The following LCOR variants were observed in gnomAD, a reference collection of about 807,000 sequenced individuals.
The protein encoded by LCOR is ligand dependent nuclear receptor corepressor.
Under a neutral mutation model 64.4 loss-of-function variants are expected in LCOR, and 14 were observed. That is an observed-to-expected ratio of 0.22 (90% CI 0.14 to 0.34). LCOR has a LOEUF of 0.34. Among genes scored for constraint, LCOR ranks in the 10% least tolerant of loss-of-function variants. The pLI is 1.00. For missense variants in LCOR, 1,686 were observed against 1,765.3 expected (o/e 0.96, Z 0.80); for synonymous variants, 643 against 642.5 (o/e 1.00, Z -0.01).
intron 2 of LCOR, among the ~76,000 whole-genome samples, chr10:96,893,514 C>T (rs1050317573): frequency 2.0e-5 from 3 of 152,096 alleles, no homozygotes; most frequent in African/African-American, 7.2e-5. Context: ...CCTGTAATCC[C>T]AGCACTTTGG....
At chr10:96,937,851 A>AAATT (rs763841055) in intron 4 of LCOR, among the ~76,000 whole-genome samples, 204 of 152,378 alleles carry the variant, frequency 1.3e-3, no homozygotes, top group Non-Finnish European at 2.4e-3. Flanking sequence ...TCAACAAAAC[A>AAATT]TTAGCAAATC....
At chr10:96,905,274 G>A (rs1022364642) in intron 2 of LCOR, among the ~76,000 whole-genome samples, 6 of 152,022 alleles carry the variant, frequency 3.9e-5, no homozygotes, top group Non-Finnish European at 5.9e-5. Context: ...CGCTCAGCCC[G>A]AAAATTTGGA....
intron 2 of LCOR, among the ~76,000 whole-genome samples, chr10:96,836,894 A>G (rs1010565995): frequency 1.3e-5 from 2 of 152,198 alleles, no homozygotes; most frequent in Non-Finnish European, 2.9e-5. Context: ...TTGTTAGGCA[A>G]CTTGCAGTTT....
chr10:96,850,243 G>A (rs1337491606), intron 2 of LCOR, among the ~76,000 whole-genome samples: 1 of 152,158 alleles, frequency 6.6e-6, no homozygotes, highest in African/African-American at 2.4e-5. Flanking sequence ...TTACTGGTAT[G>A]CTTGTCATGA....
chr10:96,899,891 G>C (rs920443496), intron 2 of LCOR, among the ~76,000 whole-genome samples: 1 of 152,016 alleles, frequency 6.6e-6, no homozygotes, highest in Admixed American at 6.5e-5. Flanking sequence ...TTACCAAACA[G>C]GCATAGAGTA....
chr10:96,839,970 C>G (rs1183906471), intron 2 of LCOR, among the ~76,000 whole-genome samples: 1 of 152,186 alleles, frequency 6.6e-6, no homozygotes, highest in African/African-American at 2.4e-5. Context: ...TGTGAGCCAC[C>G]ACCCCTGGTT....
intron 4 of LCOR, among the ~76,000 whole-genome samples, chr10:96,928,729 C>T (rs896154019): frequency 2.6e-5 from 4 of 152,188 alleles, no homozygotes; most frequent in East Asian, 3.8e-4. Context: ...CTAGATCCTT[C>T]AGAGGAATCA....
rs964153716 is a variant in LCOR, at chr10:96,983,146, G to T, written c.2686G>T (p.Asp896Tyr). 1 of 1,614,002 alleles carries T rather than the reference G, an allele frequency of 6.2e-7. No individual in the cohort carries two copies. Among genetic ancestry groups the T allele is most frequent in the East Asian group, 2.2e-5 (1 of 44,878 alleles). Residue 896 changes from aspartate (D) to tyrosine (Y), a missense_variant, in exon 8 of 8, where the codon GAT (aspartate) becomes TAT (tyrosine). Transcript: ENST00000421806. This position sits in a 1 kb window ranked among gnomAD's most constrained non-coding sequence, Gnocchi z 4.5. Reference protein sequence around the residue: ...PSVNERPSEKDAEQEGEGGGI... With the variant: ...PSVNERPSEKYAEQEGEGGGI... Reference sequence around the variant, plus strand: ...TGTCAATGAACGCCCCTCTGAGAAAGATGCTGAGCAGGAGGGCGAAGGCGG... The same window carrying T: ...TGTCAATGAACGCCCCTCTGAGAAATATGCTGAGCAGGAGGGCGAAGGCGG...
At chr10:96,856,416 T>G (rs1845805525) in intron 2 of LCOR, among the ~76,000 whole-genome samples, 1 of 151,180 alleles carries the variant, frequency 6.6e-6, no homozygotes, top group Non-Finnish European at 1.5e-5. Context: ...TTCCTTCCCT[T>G]CCTCTCTTCC....
At chr10:96,879,796 A>G (rs1846230849) in intron 2 of LCOR, among the ~76,000 whole-genome samples, 1 of 152,020 alleles carries the variant, frequency 6.6e-6, no homozygotes, top group Non-Finnish European at 1.5e-5. Context: ...TGAGTGTGCT[A>G]GGATTACAGG....
chr10:96,886,532 C>A (rs1222557923), intron 2 of LCOR, among the ~76,000 whole-genome samples: 1 of 152,128 alleles, frequency 6.6e-6, no homozygotes, highest in Non-Finnish European at 1.5e-5. Flanking sequence ...TTATAGTATT[C>A]TCTTTTAGCT....
intron 5 of LCOR, among the ~76,000 whole-genome samples, chr10:96,946,152 A>G (rs1202849322): frequency 6.6e-6 from 1 of 152,024 alleles, no homozygotes; most frequent in Non-Finnish European, 1.5e-5. Context: ...GTTTAGATAT[A>G]ATCCTCTTGT....
intron 1 of LCOR, chr10:96,833,086 T>C (rs111835023): frequency 0.22 from 214,188 of 985,714 alleles, 32,096 homozygotes; most frequent in African/African-American, 0.7. Context: ...CGGGCGGCGG[T>C]GGCCGGGGAG....
chr10:96,832,796 C>T (rs1329216988), intron 1 of LCOR, among the ~76,000 whole-genome samples: 1 of 150,408 alleles, frequency 6.6e-6, no homozygotes, highest in African/African-American at 2.4e-5. Context: ...TGCCGCTGTA[C>T]TGGGGGAGGC....
intron 2 of LCOR, among the ~76,000 whole-genome samples, chr10:96,895,833 A>G (rs776539752): frequency 6.6e-6 from 1 of 152,150 alleles, no homozygotes; most frequent in East Asian, 1.9e-4. Context: ...CTGTAATCCC[A>G]GTGTTTTGGG....
At chr10:96,904,925 CTT>C (rs1472835174) in intron 2 of LCOR, among the ~76,000 whole-genome samples, 2 of 152,128 alleles carry the variant, frequency 1.3e-5, no homozygotes, top group African/African-American at 4.8e-5. Flanking sequence ...CAAAATACGA[CTT>C]TACAGTATCT....
At chr10:96,847,616 T>A (rs759693913) in intron 2 of LCOR, among the ~76,000 whole-genome samples, 1 of 152,122 alleles carries the variant, frequency 6.6e-6, no homozygotes, top group Non-Finnish European at 1.5e-5. Flanking sequence ...TAATTTTGTA[T>A]TTTTAGTAGA....
chr10:96,941,442 C>T (rs967374534), intron 4 of LCOR, among the ~76,000 whole-genome samples: 3 of 137,624 alleles, frequency 2.2e-5, no homozygotes, highest in Non-Finnish European at 3.1e-5. Context: ...CTGGACGGGG[C>T]GACTGGCCGG....
intron 2 of LCOR, among the ~76,000 whole-genome samples, chr10:96,896,222 G>A (rs1319291265): frequency 6.6e-6 from 1 of 152,162 alleles, no homozygotes; most frequent in Non-Finnish European, 1.5e-5. Context: ...TGTGGGTTGA[G>A]GAGGGATCTC....
Sources: gnomAD v4.1 joint callset for allele counts (sites outside exome capture counted in the v4.1 genomes callset) on GRCh38, gnomAD v4.1.1 for gene constraint, Gnocchi (gnomAD v3.1) non-coding constraint, MANE v1.5 for transcripts, NCBI Gene and HGNC (gene_info 2026-07-23, HGNC 2026-07-21) for gene names.